ATP1B1: variants seen among roughly 807,000 people sequenced by gnomAD.
The protein encoded by ATP1B1 is sodium/potassium-transporting ATPase subunit beta-1.
ATP1B1 carries 3 observed loss-of-function variants against 39.6 expected under a neutral mutation model. That is an observed-to-expected ratio of 0.08 (90% CI 0.03 to 0.20). The LOEUF is 0.20. Ranked by LOEUF, ATP1B1 falls within the 10% of genes least tolerant of loss-of-function variation. ATP1B1 has a pLI of 1.00. For missense variants in ATP1B1, 216 were observed against 371.1 expected (o/e 0.58, Z 3.43); for synonymous variants, 139 against 135.0 (o/e 1.03, Z -0.20).
At chr1:169,124,862 T>A (rs968304) in intron 2 of ATP1B1, 22 bp from the exon 3 acceptor site, 959,122 of 1,604,846 alleles carry the variant, frequency 0.6, 289,006 homozygotes, top group East Asian at 0.81. Flanking sequence ...CCTACTAATG[T>A]TTTTCTCTCT....
intron 2 of ATP1B1, among the ~76,000 whole-genome samples, chr1:169,120,351 G>A (rs1657949268): frequency 6.6e-6 from 1 of 152,176 alleles, no homozygotes; most frequent in Admixed American, 6.5e-5. Flanking sequence ...TATCTTAAAT[G>A]AATGGTCATT....
chr1:169,126,753 C>A (rs1163786769), intron 3 of ATP1B1, among the ~76,000 whole-genome samples: 1 of 152,012 alleles, frequency 6.6e-6, no homozygotes, highest in Non-Finnish European at 1.5e-5. Context: ...AATACCAGTT[C>A]CTTTTTAAAA....
At chr1:169,125,314 C>A (rs919426830) in intron 3 of ATP1B1, among the ~76,000 whole-genome samples, 1 of 147,192 alleles carries the variant, frequency 6.8e-6, no homozygotes, top group African/African-American at 2.5e-5. Flanking sequence ...GACAGCAATT[C>A]CGGTTTTCTT....
intron 3 of ATP1B1, among the ~76,000 whole-genome samples, chr1:169,125,267 A>G (rs944979208): frequency 6.6e-6 from 1 of 152,150 alleles, no homozygotes; most frequent in Non-Finnish European, 1.5e-5. Flanking sequence ...TTACTTTAAA[A>G]CACTCCTAGG....
intron 2 of ATP1B1, among the ~76,000 whole-genome samples, chr1:169,119,284 TTTG>T (rs145847757): frequency 0.03 from 4,509 of 152,358 alleles, 219 homozygotes; most frequent in African/African-American, 0.1. Flanking sequence ...TTCAAGTGGC[TTTG>T]TTAATTAATG....
In ATP1B1 at chr1:169,131,859, A is replaced by G; in HGVS notation, c.*304A>G. On this transcript the variant is annotated 3_prime_UTR_variant, in exon 6 of 6. Transcript: ENST00000367815. This position sits in a 1 kb window ranked among gnomAD's most constrained non-coding sequence, Gnocchi z 4.4. ...TAGTAAGCAGTGTTTCTGGCCCCTA[A>G]GTATTGCTGCCTTGTGTATTTTATT... 1.0e-5 allele frequency: 4 copies of G among 385,948 alleles called. No homozygotes were observed. Among genetic ancestry groups the G allele is most frequent in the Non-Finnish European group, 1.9e-5 (4 of 213,950 alleles). The allele number at this position is 385,948 out of a possible 1,614,324, so 23.9% of individuals were successfully genotyped here.
At chr1:169,107,497 C>T (rs1162674009) in intron 1 of ATP1B1, among the ~76,000 whole-genome samples, 1 of 152,180 alleles carries the variant, frequency 6.6e-6, no homozygotes, top group Non-Finnish European at 1.5e-5. Context: ...CTGGAGTCAT[C>T]ACCACCCAGA....
intron 2 of ATP1B1, among the ~76,000 whole-genome samples, chr1:169,114,054 G>C (rs537440465): frequency 6.6e-6 from 1 of 151,362 alleles, no homozygotes; most frequent in African/African-American, 2.4e-5. Flanking sequence ...GCCGAACCTT[G>C]ATCAGGCCAG....
chr1:169,118,480 T>G (rs1048078642), intron 2 of ATP1B1, among the ~76,000 whole-genome samples: 9 of 152,216 alleles, frequency 5.9e-5, no homozygotes, highest in African/African-American at 2.2e-4. Context: ...GTGGCTAGTT[T>G]CCAGAAAGTG....
At chr1:169,115,507 C>G (rs1336180598) in intron 2 of ATP1B1, among the ~76,000 whole-genome samples, 1 of 151,802 alleles carries the variant, frequency 6.6e-6, no homozygotes. Context: ...CGCCACCATG[C>G]CCAGCTAATT....
chr1:169,109,342 C>T (rs552971998), intron 1 of ATP1B1, among the ~76,000 whole-genome samples: 1 of 152,098 alleles, frequency 6.6e-6, no homozygotes, highest in Admixed American at 6.5e-5. Context: ...CACAGTGCCA[C>T]CCCAGATAGT....
At chr1:169,122,261 T>C (rs1192336981) in intron 2 of ATP1B1, among the ~76,000 whole-genome samples, 4 of 152,176 alleles carry the variant, frequency 2.6e-5, no homozygotes, top group Non-Finnish European at 5.9e-5. Context: ...TGAATTTTGT[T>C]GAGCCTCTGG....
intron 1 of ATP1B1, chr1:169,110,687 G>C: frequency 7.8e-7 from 1 of 1,284,010 alleles, no homozygotes; most frequent in Non-Finnish European, 1.0e-6. Context: ...TCCAGTTCCA[G>C]AAGATGGAAT....
In ATP1B1 at chr1:169,132,655, A is replaced by G. The variant is rs1207852577; in HGVS notation, c.*1100A>G. On this transcript the variant is annotated 3_prime_UTR_variant, in exon 6 of 6. Transcript: ENST00000367815. ...AACATATGTAATAATTGCCAGGAGTACAGTGCTCTTGTTGATCTTGTATTC... is the reference window on the plus strand; with the variant it reads ...AACATATGTAATAATTGCCAGGAGTGCAGTGCTCTTGTTGATCTTGTATTC... 2.5e-6 allele frequency: 2 copies of G among 788,496 alleles called. No individual in the cohort carries two copies. The highest frequency in any genetic ancestry group is 5.3e-5 in the East Asian group (2 of 37,454). The allele number at this position is 788,496 out of a possible 1,614,324, so 48.8% of individuals were successfully genotyped here. A position where few individuals can be genotyped will look rare whatever the true frequency, so the allele number is the denominator to read the frequency against.
At chr1:169,113,881 C>G (rs1657778681) in intron 2 of ATP1B1, among the ~76,000 whole-genome samples, 1 of 152,234 alleles carries the variant, frequency 6.6e-6, no homozygotes, top group African/African-American at 2.4e-5. Context: ...ATTTCTGTCT[C>G]TTCTTTTCCT....
chr1:169,114,981 G>A (rs545916855), intron 2 of ATP1B1, among the ~76,000 whole-genome samples: 4 of 151,994 alleles, frequency 2.6e-5, no homozygotes, highest in Admixed American at 6.5e-5. Flanking sequence ...TCAGGAGATC[G>A]AGACCATTCT....
Position 169,132,713 on chromosome 1 carries a change from G to T in ATP1B1, c.*1158G>T. On this transcript the variant is annotated 3_prime_UTR_variant, in exon 6 of 6. Transcript: ENST00000367815. ...TTAAAACAACGGACAATAAAAGAAT[G>T]AACACATTCCTCGTGTGTGATTCAC... is the stretch of plus-strand genomic sequence containing the variant. The T allele has an allele frequency of 2.1e-6, 3 of 1,404,212 alleles. No homozygotes were observed. Among genetic ancestry groups the T allele is most frequent in the Non-Finnish European group, 3.0e-6 (3 of 997,624 alleles). 87.0% of individuals were successfully genotyped at this position (1,404,212 alleles called of 1,614,324 possible). A position where few individuals can be genotyped will look rare whatever the true frequency, so the allele number is the denominator to read the frequency against.
At position 169,109,421 on chromosome 1, in the gene ATP1B1, A is replaced by G. The variant is rs993795141; in HGVS notation, c.98-1949A>G. 9.2e-5 allele frequency among the ~76,000 whole-genome samples: 14 copies of G among 152,064 alleles called. 1 individual carries two copies. Among genetic ancestry groups the G allele is most frequent in the Admixed American group, 7.2e-4 (11 of 15,268 alleles). ...CTGGTGGCCTGTGTCTGAGTGAGCCACTGCATAGGCCCCTCTAGTCCTGAG... is the reference window on the plus strand; with the variant it reads ...CTGGTGGCCTGTGTCTGAGTGAGCCGCTGCATAGGCCCCTCTAGTCCTGAG... On this transcript the variant is annotated intron_variant, in intron 1 of 5. Coordinates refer to ENST00000367815, the MANE Select transcript of ATP1B1 (RefSeq NM_001677.4).
At position 169,132,258 on chromosome 1, in the gene ATP1B1, G is replaced by A; in HGVS notation, c.*703G>A. ...TTATGCTTGTATTGAATGCTGTCTT[G>A]ACATCTCTTGCCTTGTCCTCCGGTA... On this transcript the variant is annotated 3_prime_UTR_variant, in exon 6 of 6. Coordinates refer to ENST00000367815, the MANE Select transcript of ATP1B1 (RefSeq NM_001677.4). The A allele has an allele frequency of 1.6e-6, 1 of 606,986 alleles. No homozygotes were observed. The highest frequency in any genetic ancestry group is 2.9e-5 in the Admixed American group (1 of 34,692). 37.6% of individuals were successfully genotyped at this position (606,986 alleles called of 1,614,324 possible). A position where few individuals can be genotyped will look rare whatever the true frequency, so the allele number is the denominator to read the frequency against.
Sources: gnomAD v4.1 joint callset for allele counts (sites outside exome capture counted in the v4.1 genomes callset) on GRCh38, gnomAD v4.1.1 for gene constraint, Gnocchi (gnomAD v3.1) non-coding constraint, MANE v1.5 for transcripts, NCBI Gene and HGNC (gene_info 2026-07-23, HGNC 2026-07-21) for gene names.